The following KCNAB1 variants were observed in gnomAD, a reference collection of about 807,000 sequenced individuals.
The protein encoded by KCNAB1 is voltage-gated potassium channel subunit beta-1.
KCNAB1 carries 35 observed loss-of-function variants against 64.6 expected under a neutral mutation model. The ratio of observed to expected loss-of-function variants is 0.54; its 90% CI spans 0.41 to 0.72. The LOEUF (loss-of-function observed/expected upper bound fraction) is 0.72. KCNAB1 is among the 30% of genes least tolerant of loss of function. KCNAB1 has a pLI of 0.00. For missense variants in KCNAB1, 401 were observed against 512.9 expected, an observed-to-expected ratio of 0.78 and a Z score of 2.11; for synonymous variants, 177 against 183.8, an observed-to-expected ratio of 0.96 and a Z score of 0.30.
At chr3:156,310,688 C>T (rs1721833483) in intron 1 of KCNAB1, among the ~76,000 whole-genome samples, 1 of 152,148 alleles carries the variant, frequency 6.6e-6, no homozygotes, top group Non-Finnish European at 1.5e-5. Context: ...CCTGTATTCC[C>T]AGCTACTCGG....
In KCNAB1 at chr3:156,477,955, A is replaced by G. The variant is rs566977910; in HGVS notation, c.658+3135A>G. Among the ~76,000 whole-genome samples, 3 of 152,300 alleles carry G rather than the reference A, an allele frequency of 2.0e-5. No individual in the cohort carries two copies. In the South Asian group the frequency reaches 6.2e-4, roughly 32 times the overall value. On this transcript the variant is annotated intron_variant, in intron 8 of 13. Coordinates refer to ENST00000490337, the MANE Select transcript of KCNAB1 (RefSeq NM_172160.3). ...TGTGTGTATGGGAATAAAGTTGTAC[A>G]TGTACAATGGGGGTATACCTTAGGA...
At chr3:156,404,603 G>T (rs1180366366) in intron 1 of KCNAB1, among the ~76,000 whole-genome samples, 2 of 152,296 alleles carry the variant, frequency 1.3e-5, no homozygotes, top group East Asian at 1.9e-4. Flanking sequence ...ATAGGTTAAG[G>T]CAAGCATTAA....
chr3:156,340,243 A>G (rs1724005994), intron 1 of KCNAB1, among the ~76,000 whole-genome samples: 1 of 152,164 alleles, frequency 6.6e-6, no homozygotes, highest in African/African-American at 2.4e-5. Context: ...GAAAAACCCA[A>G]TGGAAAATGA....
chr3:156,248,386 A>T (rs905851680), intron 1 of KCNAB1, among the ~76,000 whole-genome samples: 2 of 152,086 alleles, frequency 1.3e-5, no homozygotes, highest in Non-Finnish European at 2.9e-5. Flanking sequence ...GTTCTGTAAG[A>T]CATAGCTCTT....
chr3:156,536,836 C>T lies in KCNAB1; in HGVS notation c.*89C>T. ...TGTTACTAACCAGTCTTTTGAATCACTTAGCAGCTTGCTGCTCAACCTCTA... is the reference window on the plus strand; with the variant it reads ...TGTTACTAACCAGTCTTTTGAATCATTTAGCAGCTTGCTGCTCAACCTCTA... On this transcript the variant is annotated 3_prime_UTR_variant, in exon 14 of 14. Coordinates refer to ENST00000490337, the MANE Select transcript of KCNAB1 (RefSeq NM_172160.3). 5 of 894,764 alleles carry T rather than the reference C, an allele frequency of 5.6e-6. No homozygotes were observed. The highest frequency in any genetic ancestry group is 5.5e-5 in the South Asian group (4 of 72,344). 55.4% of individuals were successfully genotyped at this position (894,764 alleles called of 1,614,324 possible).
chr3:156,118,861 T>C (rs1310442783), upstream of KCNAB1, among the ~76,000 whole-genome samples: 1 of 152,232 alleles, frequency 6.6e-6, no homozygotes, highest in Non-Finnish European at 1.5e-5. Flanking sequence ...CTAGTTGCTA[T>C]GCATATAATG....
chr3:156,311,283 G>A (rs1006066332), intron 1 of KCNAB1, among the ~76,000 whole-genome samples: 2 of 152,174 alleles, frequency 1.3e-5, no homozygotes, highest in African/African-American at 4.8e-5. Context: ...AAGAGAGAGA[G>A]GGTTCCAAGA....
intron 8 of KCNAB1, among the ~76,000 whole-genome samples, chr3:156,490,272 A>G (rs1715534883): frequency 6.6e-6 from 1 of 152,138 alleles, no homozygotes; most frequent in South Asian, 2.1e-4. Flanking sequence ...TGTGGAAGAA[A>G]ACCCTATTGA....
intron 1 of KCNAB1, among the ~76,000 whole-genome samples, chr3:156,197,641 A>T (rs1412667214): frequency 1.3e-5 from 2 of 152,062 alleles, no homozygotes; most frequent in African/African-American, 4.8e-5. Flanking sequence ...ACCAGTGGTG[A>T]TATCCCCTTT....
At chr3:156,350,094 A>G (rs1724761421) in intron 1 of KCNAB1, among the ~76,000 whole-genome samples, 2 of 152,158 alleles carry the variant, frequency 1.3e-5, no homozygotes, top group Non-Finnish European at 1.5e-5. Flanking sequence ...ATGACTTGTT[A>G]TTTTTATGCT....
At chr3:156,536,468 GCAGT>G (rs1719063074) in intron 13 of KCNAB1, 186 bp from the exon 14 acceptor site, 2 of 562,700 alleles carry the variant, frequency 3.6e-6, no homozygotes, top group African/African-American at 1.9e-5. Context: ...CTTCATTTAT[GCAGT>G]CAATCAACAA....
At chr3:156,296,797 A>G (rs1202904101) in intron 1 of KCNAB1, among the ~76,000 whole-genome samples, 4 of 152,204 alleles carry the variant, frequency 2.6e-5, no homozygotes, top group Non-Finnish European at 5.9e-5. Context: ...TTTTAAAGTT[A>G]ACTACCATTA....
intron 1 of KCNAB1, among the ~76,000 whole-genome samples, chr3:156,257,342 A>G (rs543463041): frequency 6.6e-6 from 1 of 152,314 alleles, no homozygotes; most frequent in African/African-American, 2.4e-5. Context: ...AACTTCCTTT[A>G]TCAATTCTTC....
chr3:156,143,569 G>GGTTTTTTTTTT, intron 1 of KCNAB1: 5 of 292,186 alleles, frequency 1.7e-5, no homozygotes, highest in Non-Finnish European at 3.0e-5. Flanking sequence ...TTGCATTCTT[G>GGTTTTTTTTTT]TTTTTTTTTT....
intron 1 of KCNAB1, among the ~76,000 whole-genome samples, chr3:156,412,683 G>C (rs1441854443): frequency 6.6e-6 from 1 of 152,348 alleles, no homozygotes; most frequent in South Asian, 2.1e-4. Context: ...GCTGATCAGA[G>C]ATAAACAGAG....
At chr3:156,348,616 G>C (rs1724657394) in intron 1 of KCNAB1, among the ~76,000 whole-genome samples, 1 of 152,188 alleles carries the variant, frequency 6.6e-6, no homozygotes, top group Non-Finnish European at 1.5e-5. Context: ...CATCCAAGTG[G>C]AGTTATAAGA....
chr3:156,388,950 A>G (rs17238018), intron 1 of KCNAB1, among the ~76,000 whole-genome samples: 22,236 of 152,186 alleles, frequency 0.15, 1,903 homozygotes, highest in Middle Eastern at 0.21. Flanking sequence ...AGTTGGAAGT[A>G]TTGGCAGATA....
intron 1 of KCNAB1, among the ~76,000 whole-genome samples, chr3:156,332,452 T>C (rs868644552): frequency 3.3e-5 from 5 of 152,196 alleles, no homozygotes; most frequent in Admixed American, 2.0e-4. Flanking sequence ...TGCATTACAT[T>C]TACTTGGAAC....
At chr3:156,185,314 G>A (rs761665922) in intron 1 of KCNAB1, among the ~76,000 whole-genome samples, 1 of 152,124 alleles carries the variant, frequency 6.6e-6, no homozygotes, top group African/African-American at 2.4e-5. Context: ...CCATGTCCCT[G>A]TTACCTCCAT....
Sources: allele counts gnomAD v4.1 joint callset (sites outside exome capture counted in the v4.1 genomes callset), GRCh38; gene constraint gnomAD v4.1.1; transcripts MANE v1.5; gene names NCBI Gene and HGNC (gene_info 2026-07-23, HGNC 2026-07-21).